The following FANCC variants were observed in gnomAD, a reference collection of about 807,000 sequenced individuals.
FANCC encodes the protein Fanconi anemia group C protein.
Under a neutral mutation model 71.3 loss-of-function variants are expected in FANCC, and 55 were observed. The observed-to-expected ratio is 0.77, with a 90% CI of 0.62 to 0.97. The LOEUF is 0.97. FANCC is among the 50% of genes least tolerant of loss of function. The pLI, the probability that FANCC is intolerant of heterozygous loss-of-function variation, is 0.00. For missense variants in FANCC, 678 were observed against 670.9 expected (o/e 1.01, Z -0.12); for synonymous variants, 275 against 244.9 (o/e 1.12, Z -1.15).
At chr9:95,150,271 T>C (rs999866723) in intron 6 of FANCC, among the ~76,000 whole-genome samples, 184 bp from the exon 7 acceptor site, 2 of 152,224 alleles carry the variant, frequency 1.3e-5, no homozygotes, top group African/African-American at 2.4e-5. Flanking sequence ...AGAAATCTTT[T>C]AGCTACCATT....
chr9:95,244,059 T>C (rs1465916898), intron 3 of FANCC, among the ~76,000 whole-genome samples: 3 of 152,224 alleles, frequency 2.0e-5, no homozygotes, highest in Non-Finnish European at 4.4e-5. Flanking sequence ...GCCAAGGTAA[T>C]GCAGATAAGG....
intron 1 of FANCC, among the ~76,000 whole-genome samples, chr9:95,295,770 T>TAAA (rs765617250): frequency 3.2e-5 from 4 of 123,662 alleles, no homozygotes; most frequent in African/African-American, 1.2e-4. Flanking sequence ...CTGTATCAAT[T>TAAA]AAAAAAAAAA....
At chr9:95,292,493 G>A (rs1314626372) in intron 1 of FANCC, 6 of 1,406,786 alleles carry the variant, frequency 4.3e-6, no homozygotes, top group Non-Finnish European at 5.5e-6. Flanking sequence ...CGCGGCCCGC[G>A]GGGGTGACGC....
intron 1 of FANCC, among the ~76,000 whole-genome samples, chr9:95,271,244 C>G (rs189813552): frequency 1.4e-3 from 210 of 152,326 alleles, no homozygotes; most frequent in Admixed American, 5.8e-3. Flanking sequence ...CATTCCCACA[C>G]TAGCACATGG....
In FANCC at chr9:95,148,438, A is replaced by AG. The variant is rs564757527; in HGVS notation, c.686+1484dup. On this transcript the variant is annotated intron_variant, in intron 7 of 14. Transcript: ENST00000289081. ...TTAGGCACATACTTTCTCAATAATT[A>AG]GCAAAGTGACTCAGTCCCCTAAGGA... Among the ~76,000 whole-genome samples, 18 of 152,288 alleles carry AG rather than the reference A, an allele frequency of 1.2e-4. No homozygotes were observed. In the South Asian group the frequency reaches 3.5e-3, roughly 30 times the overall value.
At chr9:95,255,147 T>C (rs1305454674) in intron 1 of FANCC, among the ~76,000 whole-genome samples, 4 of 152,090 alleles carry the variant, frequency 2.6e-5, no homozygotes, top group African/African-American at 9.7e-5. Flanking sequence ...GAATTAAACG[T>C]TCCCGCCTGC....
intron 1 of FANCC, among the ~76,000 whole-genome samples, chr9:95,255,843 C>T (rs899777568): frequency 6.6e-5 from 10 of 151,304 alleles, no homozygotes; most frequent in African/African-American, 1.9e-4. Flanking sequence ...ATATAAATGA[C>T]CTGATTGAGC....
At chr9:95,276,051 G>T (rs1485665685) in intron 1 of FANCC, among the ~76,000 whole-genome samples, 1 of 152,172 alleles carries the variant, frequency 6.6e-6, no homozygotes, top group Non-Finnish European at 1.5e-5. Context: ...CAGATGCTTG[G>T]TTTTTCCAGA....
intron 10 of FANCC, among the ~76,000 whole-genome samples, chr9:95,119,432 C>A (rs140381365): frequency 8.7e-4 from 128 of 147,670 alleles, no homozygotes; most frequent in African/African-American, 3.1e-3. Context: ...GTGGTGTGAT[C>A]TTGGCTCCCT....
rs532322834 is a variant in FANCC at position 95,197,698 on chromosome 9, T to C, written c.346-25551A>G. Among the ~76,000 whole-genome samples the C allele has an allele frequency of 1.5e-4, 23 of 152,230 alleles. No homozygotes were observed. The South Asian group carries it at 2.5e-3, about 17-fold the overall frequency. ...CAGGAATCGTGGCTTGTTAGTTAAA[T>C]TGCAGAGCTGACTCCTGAGGAAGGC... On this transcript the variant is annotated intron_variant, in intron 4 of 14. Coordinates refer to ENST00000289081, the MANE Select transcript of FANCC (RefSeq NM_000136.3).
chr9:95,240,922 A>G (rs760751507), intron 3 of FANCC, among the ~76,000 whole-genome samples, 179 bp from the exon 4 acceptor site: 1 of 152,242 alleles, frequency 6.6e-6, no homozygotes, highest in African/African-American at 2.4e-5. Flanking sequence ...GCTGATGGGA[A>G]TATTTTCCCT....
chr9:95,270,107 T>C (rs1036871986), intron 1 of FANCC, among the ~76,000 whole-genome samples: 4 of 152,104 alleles, frequency 2.6e-5, no homozygotes, highest in African/African-American at 9.7e-5. Context: ...TCTTAGTACA[T>C]AACAAAATGG....
intron 6 of FANCC, among the ~76,000 whole-genome samples, chr9:95,153,435 T>C (rs1351668868): frequency 2.0e-5 from 3 of 152,168 alleles, no homozygotes; most frequent in South Asian, 2.1e-4. Context: ...CTGTTTTCCA[T>C]AGAGGTTGCA....
In FANCC at chr9:95,110,374, A is replaced by G. The variant is rs557956774; in HGVS notation, c.1329+1089T>C. 48 of 1,022,988 alleles carry G rather than the reference A, an allele frequency of 4.7e-5. No homozygotes were observed. The South Asian group carries it at 1.6e-3, about 34-fold the overall frequency. 63.4% of individuals were successfully genotyped at this position (1,022,988 alleles called of 1,614,324 possible). A position where few individuals can be genotyped will look rare whatever the true frequency, so the allele number is the denominator to read the frequency against. On this transcript the variant is annotated intron_variant, in intron 13 of 14. Coordinates refer to ENST00000289081, the MANE Select transcript of FANCC (RefSeq NM_000136.3). ...AGAATATAAAAGGGCTTTAAAAACC[A>G]TATGTGCCCCGTACATCTTATTACT...
intron 1 of FANCC, among the ~76,000 whole-genome samples, chr9:95,296,282 T>G (rs1405019208): frequency 2.0e-5 from 3 of 152,154 alleles, no homozygotes; most frequent in African/African-American, 7.2e-5. Flanking sequence ...ACACACTAAT[T>G]AAATGTAACA....
At chr9:95,195,026 C>T (rs1378515051) in intron 4 of FANCC, among the ~76,000 whole-genome samples, 3 of 151,808 alleles carry the variant, frequency 2.0e-5, no homozygotes, top group African/African-American at 4.8e-5. Context: ...GGTGAAACCC[C>T]GTCTCTACTA....
chr9:95,313,928 T>C (rs1295314692), intron 1 of FANCC, among the ~76,000 whole-genome samples: 1 of 152,142 alleles, frequency 6.6e-6, no homozygotes, highest in Non-Finnish European at 1.5e-5. Flanking sequence ...AGAAGGAAAA[T>C]CTCTCAACCT....
chr9:95,263,606 A>G lies in FANCC; in HGVS notation c.-78-14237T>C, dbSNP rs1201707365. 3.9e-5 allele frequency among the ~76,000 whole-genome samples: 6 copies of G among 152,094 alleles called. No individual in the cohort carries two copies. In the East Asian group the frequency reaches 1.2e-3, roughly 29 times the overall value. On this transcript the variant is annotated intron_variant, in intron 1 of 14. Coordinates refer to ENST00000289081, the MANE Select transcript of FANCC (RefSeq NM_000136.3). ...CTGAGAACAATTAAAAAGACAAAAT[A>G]TACAAACACACATTCCATTAGCTGT...
intron 4 of FANCC, among the ~76,000 whole-genome samples, chr9:95,226,241 C>T (rs753930169): frequency 3.3e-5 from 5 of 152,176 alleles, no homozygotes; most frequent in Admixed American, 6.5e-5. Context: ...TTTGTGGTTT[C>T]CAAACCTCCA....
Sources: allele counts gnomAD v4.1 joint callset (sites outside exome capture counted in the v4.1 genomes callset), GRCh38; gene constraint gnomAD v4.1.1; transcripts MANE v1.5; gene names NCBI Gene and HGNC (gene_info 2026-07-23, HGNC 2026-07-21).